Variants in NME5 observed in about 807,000 individuals in gnomAD.
NME5 encodes the protein nucleoside diphosphate kinase 5.
In NME5, 18 loss-of-function variants were observed where a neutral mutation model predicts 21.6. The ratio of observed to expected loss-of-function variants is 0.83; its 90% CI spans 0.58 to 1.24. NME5 has a LOEUF of 1.24. Ranked by LOEUF, NME5 falls within the 50% of genes most tolerant of loss-of-function variation. The pLI, the probability that NME5 is intolerant of heterozygous loss-of-function variation, is 0.00. For synonymous variants in NME5, 70 were observed against 80.6 expected (o/e 0.87, Z 0.71); for missense variants, 223 against 255.4 (o/e 0.87, Z 0.86).
At chr5:138,123,762 A>G (rs889514483) in intron 4 of NME5, among the ~76,000 whole-genome samples, 3 of 152,150 alleles carry the variant, frequency 2.0e-5, no homozygotes, top group African/African-American at 4.8e-5. Flanking sequence ...TTGTTAGATC[A>G]TGTAACAGTT....
chr5:138,126,346 C>CA (rs985110443), intron 4 of NME5, among the ~76,000 whole-genome samples: 2 of 150,980 alleles, frequency 1.3e-5, no homozygotes, highest in African/African-American at 2.4e-5. Context: ...TCCGCTTCTA[C>CA]AAAAAACTTG....
intron 4 of NME5, among the ~76,000 whole-genome samples, chr5:138,123,417 C>A (rs1021499521): frequency 6.6e-6 from 1 of 152,096 alleles, no homozygotes; most frequent in African/African-American, 2.4e-5. Flanking sequence ...ATTCTACTCT[C>A]CGAGTTCAAG....
rs553388477 is a variant in NME5, at chr5:138,128,594, G to A, written c.336-15C>T. 1 of 1,574,530 alleles carries A rather than the reference G, an allele frequency of 6.4e-7. No homozygotes were observed. The highest frequency in any genetic ancestry group is 8.7e-7 in the Non-Finnish European group (1 of 1,150,064). ...TTGCCCTCAGACTAAAAACAAGTTA[G>A]AGATGACGTCCATCCAATCTAACGT... On this transcript the variant is annotated splice_polypyrimidine_tract_variant and intron_variant, in intron 3 of 5. Coordinates refer to ENST00000265191, the MANE Select transcript of NME5 (RefSeq NM_003551.3).
intron 4 of NME5, among the ~76,000 whole-genome samples, chr5:138,125,384 C>G (rs1246885081): frequency 6.6e-6 from 1 of 151,998 alleles, no homozygotes; most frequent in African/African-American, 2.4e-5. Flanking sequence ...AAGAGACCAG[C>G]CTGGGTAATG....
intron 2 of NME5, among the ~76,000 whole-genome samples, chr5:138,133,572 A>C (rs1032519486): frequency 2.0e-5 from 3 of 152,200 alleles, no homozygotes; most frequent in African/African-American, 7.2e-5. Context: ...TTCACAGAGA[A>C]GCAGTGATAC....
Position 138,129,403 on chromosome 5 carries a change from C to T in NME5, c.195G>A (p.Met65Ile). The change falls in exon 3 of 6, where the codon ATG becomes ATA. Residue 65 changes from methionine (M) to isoleucine (I), a missense_variant. By Grantham distance (10) the Met-to-Ile change is conservative. Coordinates refer to ENST00000265191, the MANE Select transcript of NME5 (RefSeq NM_003551.3). ...TGTAAGCTGTTAAGTTGGGGAAAAA[C>T]ATTTTTCCATACTTTTCCACATAAA... ...SNFYVEKYGK[M>I]FFPNLTAYMS... 2 of 1,614,024 alleles carry T rather than the reference C, an allele frequency of 1.2e-6. No homozygotes were observed. The highest frequency in any genetic ancestry group is 1.7e-6 in the Non-Finnish European group (2 of 1,179,922).
chr5:138,127,208 G>A (rs1396714905), intron 4 of NME5, among the ~76,000 whole-genome samples: 1 of 152,144 alleles, frequency 6.6e-6, no homozygotes, highest in Non-Finnish European at 1.5e-5. Flanking sequence ...TCCCCTGGGA[G>A]GATGACTGAA....
rs866881000 is a variant in NME5 at position 138,115,339 on chromosome 5, A to T, written c.*342T>A. 16 of 165,676 alleles carry T rather than the reference A, an allele frequency of 9.7e-5. No homozygotes were observed. The South Asian group carries it at 2.8e-3, about 29-fold the overall frequency. 10.3% of individuals were successfully genotyped at this position (165,676 alleles called of 1,614,324 possible). A position where few individuals can be genotyped will look rare whatever the true frequency, so the allele number is the denominator to read the frequency against. On this transcript the variant is annotated 3_prime_UTR_variant, in exon 6 of 6. Transcript: ENST00000265191. ...TTAAACTAGACTGTCTCAACTGTGC[A>T]TTAATTATGTATTTAGATATAGGAT...
chr5:138,134,171 G>GT (rs1386831684), intron 2 of NME5, among the ~76,000 whole-genome samples: 1 of 151,840 alleles, frequency 6.6e-6, no homozygotes, highest in Non-Finnish European at 1.5e-5. Flanking sequence ...CGCCTCCCGG[G>GT]TTCAAGTGAT....
rs149856995 is a variant in NME5 at position 138,124,254 on chromosome 5, C to T, written c.436+4225G>A. ...CTGACCTCAGGTGATCTGCCAGCCT[C>T]GGCCTCCCAAAGAGCTGGGATTACA... On this transcript the variant is annotated intron_variant, in intron 4 of 5. Transcript: ENST00000265191. Among the ~76,000 whole-genome samples the T allele has an allele frequency of 3.5e-3, 535 of 152,022 alleles. 3 individuals are homozygous for T. Among genetic ancestry groups the T allele is most frequent in the African/African-American group, 0.012 (513 of 41,470 alleles).
Position 138,138,654 on chromosome 5 carries a change from G to T in NME5, c.127C>A (p.Gln43Lys), listed in dbSNP as rs774794964. 6 of 1,609,942 alleles carry T rather than the reference G, an allele frequency of 3.7e-6. No homozygotes were observed. Among genetic ancestry groups the T allele is most frequent in the South Asian group, 1.1e-5 (1 of 90,358 alleles). Residue 43 changes from glutamine (Q) to lysine (K), a missense_variant and splice_region_variant, in exon 2 of 6, where the codon CAG (glutamine) becomes AAG (lysine). Coordinates refer to ENST00000265191, the MANE Select transcript of NME5 (RefSeq NM_003551.3). ...GAATCATCATACCCAGAAGTTACCT[G>T]AACAATGGTGAATCCGGATCTAAGA... Reference protein sequence around the residue: ...IILRSGFTIVQRRKLRLSPEQ... With the variant: ...IILRSGFTIVKRRKLRLSPEQ...
At position 138,129,406 on chromosome 5, in the gene NME5, T is replaced by C. The variant is rs369541032; in HGVS notation, c.192A>G (p.Lys64=). 8.1e-5 allele frequency: 130 copies of C among 1,613,944 alleles called. No homozygotes were observed. The highest frequency in any genetic ancestry group is 1.0e-4 in the Non-Finnish European group (120 of 1,179,994). ...AAGCTGTTAAGTTGGGGAAAAACAT[T>C]TTTCCATACTTTTCCACATAAAAGT... is the stretch of plus-strand genomic sequence containing the variant. ...CSNFYVEKYG[K]MFFPNLTAYM... The change falls in exon 3 of 6, where the codon AAA becomes AAG. Residue 64 remains lysine (K), a synonymous_variant. Transcript: ENST00000265191.
intron 2 of NME5, among the ~76,000 whole-genome samples, chr5:138,135,208 C>G (rs1282292367): frequency 6.9e-6 from 1 of 145,464 alleles, no homozygotes; most frequent in Non-Finnish European, 1.5e-5. Context: ...GTCCCAGCTA[C>G]TCGGGAGGCT....
intron 4 of NME5, among the ~76,000 whole-genome samples, chr5:138,121,898 G>T (rs2151159932): frequency 6.6e-6 from 1 of 150,878 alleles, no homozygotes; most frequent in Non-Finnish European, 1.5e-5. Flanking sequence ...TCACTTTGTT[G>T]CCCAGGCTGG....
intron 4 of NME5, among the ~76,000 whole-genome samples, chr5:138,125,568 G>A (rs1369437259): frequency 6.6e-6 from 1 of 152,094 alleles, no homozygotes; most frequent in Admixed American, 6.6e-5. Flanking sequence ...GACATGGAGA[G>A]ACCCTGTGAC....
intron 2 of NME5, among the ~76,000 whole-genome samples, chr5:138,131,250 G>A (rs1390165053): frequency 2.7e-5 from 4 of 150,084 alleles, no homozygotes; most frequent in Admixed American, 6.7e-5. Flanking sequence ...CCGTGGTGGC[G>A]GGCACCTATA....
intron 4 of NME5, among the ~76,000 whole-genome samples, chr5:138,119,783 A>G (rs1449475828): frequency 6.6e-6 from 1 of 151,832 alleles, no homozygotes; most frequent in Non-Finnish European, 1.5e-5. Flanking sequence ...CAGCCTCCTG[A>G]GTAGAACCAG....
At chr5:138,136,254 G>A (rs1751695594) in intron 2 of NME5, among the ~76,000 whole-genome samples, 2 of 152,226 alleles carry the variant, frequency 1.3e-5, no homozygotes, top group Admixed American at 1.3e-4. Context: ...ATTTCCAAGA[G>A]CAGAACTGCT....
At chr5:138,135,848 C>A (rs1751686882) in intron 2 of NME5, among the ~76,000 whole-genome samples, 1 of 152,110 alleles carries the variant, frequency 6.6e-6, no homozygotes, top group Non-Finnish European at 1.5e-5. Flanking sequence ...GTTTATTTCC[C>A]CAGAATTCCA....
Sources: allele counts gnomAD v4.1 joint callset (sites outside exome capture counted in the v4.1 genomes callset), GRCh38; gene constraint gnomAD v4.1.1; transcripts MANE v1.5; gene names NCBI Gene and HGNC (gene_info 2026-07-23, HGNC 2026-07-21).